Variants in SPRY3 observed in about 807,000 individuals in gnomAD.
The protein encoded by SPRY3 is sprouty RTK signaling antagonist 3.
SPRY3 carries 15 observed loss-of-function variants against 20.2 expected under a neutral mutation model. That is an observed-to-expected ratio of 0.74 (90% CI 0.50 to 1.14). SPRY3 has a LOEUF of 1.14. SPRY3 is among the 50% of genes most tolerant of loss of function. The probability of loss-of-function intolerance (pLI) is 0.00; values close to 1 mark genes in which losing one functional copy is unlikely to be tolerated. For missense variants in SPRY3, 364 were observed against 363.9 expected (o/e 1.00, Z 0.00); for synonymous variants, 143 against 136.5 (o/e 1.05, Z -0.33).
At chrX:155,649,469 G>A (rs1569562487) in intron 1 of SPRY3, among the ~76,000 whole-genome samples, 2 of 111,245 alleles carry the variant, frequency 1.8e-5, no homozygotes, top group East Asian at 2.8e-4. Flanking sequence ...TTCAACATAC[G>A]CAAATCAATA....
chrX:155,718,717 A>T (rs182042626), intron 2 of SPRY3, among the ~76,000 whole-genome samples: 2 of 152,312 alleles, frequency 1.3e-5, no homozygotes, highest in East Asian at 3.9e-4. Context: ...TACCAAAGAG[A>T]AACAAACACA....
At chrX:155,643,638 G>C (rs2124538947) in intron 1 of SPRY3, among the ~76,000 whole-genome samples, 1 of 110,042 alleles carries the variant, frequency 9.1e-6, no homozygotes, top group Non-Finnish European at 1.9e-5. Context: ...GTATGGTTTT[G>C]TATTTGAGGT....
intron 2 of SPRY3, among the ~76,000 whole-genome samples, chrX:155,755,746 G>C (rs1371265348): frequency 2.0e-5 from 3 of 152,082 alleles, no homozygotes; most frequent in African/African-American, 7.2e-5. Flanking sequence ...TAGCCTTTGG[G>C]CATCTGCTTT....
At chrX:155,747,709 G>T (rs2091235053) in intron 2 of SPRY3, among the ~76,000 whole-genome samples, 1 of 151,980 alleles carries the variant, frequency 6.6e-6, no homozygotes, top group African/African-American at 2.4e-5. Flanking sequence ...AAGGCAGCCA[G>T]GTCCTTGGCT....
At chrX:155,730,165 G>A (rs2091123900) in intron 2 of SPRY3, among the ~76,000 whole-genome samples, 1 of 152,044 alleles carries the variant, frequency 6.6e-6, no homozygotes, top group Non-Finnish European at 1.5e-5. Context: ...AAAGGAGAAG[G>A]GAATAATTCC....
intron 2 of SPRY3, among the ~76,000 whole-genome samples, chrX:155,708,763 T>G (rs2090968202): frequency 6.6e-6 from 1 of 151,462 alleles, no homozygotes. Flanking sequence ...TATACTCTTT[T>G]TAGTTATTTT....
intron 2 of SPRY3, among the ~76,000 whole-genome samples, chrX:155,673,227 TA>T (rs1476996922): frequency 1.9e-5 from 2 of 107,664 alleles, no homozygotes; most frequent in East Asian, 5.9e-4. Flanking sequence ...TAAAAAAAAT[TA>T]AAAAAAGAAC....
chrX:155,706,627 A>G (rs945257069), intron 2 of SPRY3, among the ~76,000 whole-genome samples: 3 of 150,948 alleles, frequency 2.0e-5, no homozygotes, highest in Non-Finnish European at 4.5e-5. Context: ...AATCAAGAAG[A>G]CAATTACCAA....
chrX:155,746,412 A>G (rs1408124041), intron 2 of SPRY3, among the ~76,000 whole-genome samples: 1 of 151,854 alleles, frequency 6.6e-6, no homozygotes, highest in Non-Finnish European at 1.5e-5. Context: ...TGTTAATACA[A>G]TTTTTTCATT....
At chrX:155,625,554 G>T (rs1462423840) in intron 1 of SPRY3, among the ~76,000 whole-genome samples, 2 of 109,607 alleles carry the variant, frequency 1.8e-5, no homozygotes, top group African/African-American at 6.6e-5. Flanking sequence ...TTTATTTGTT[G>T]AAGGGTTTTT....
intron 3 of SPRY3, among the ~76,000 whole-genome samples, chrX:155,768,376 A>G (rs955702526): frequency 5.9e-5 from 9 of 152,156 alleles, no homozygotes; most frequent in African/African-American, 1.9e-4. Context: ...TAGGACTTCA[A>G]AATAATATTT....
At chrX:155,715,286 A>T (rs1352308117) in intron 2 of SPRY3, among the ~76,000 whole-genome samples, 1 of 152,112 alleles carries the variant, frequency 6.6e-6, no homozygotes, top group Non-Finnish European at 1.5e-5. Flanking sequence ...TTTAGTCAGC[A>T]GGTGATAAAT....
At chrX:155,773,307 G>GATATATATATAT (rs1556238552) in intron 3 of SPRY3, among the ~76,000 whole-genome samples, 31 of 120,712 alleles carry the variant, frequency 2.6e-4, no homozygotes, top group Non-Finnish European at 3.4e-4. Flanking sequence ...ATTTTGATTG[G>GATATATATATAT]ATATATATAT....
At chrX:155,768,326 T>G (rs2091358194) in intron 3 of SPRY3, among the ~76,000 whole-genome samples, 190 bp downstream of exon 2, 1 of 152,192 alleles carries the variant, frequency 6.6e-6, no homozygotes, top group Admixed American at 6.5e-5. Flanking sequence ...AAATCGGCTC[T>G]CGCAGAAAAC....
At chrX:155,664,252 T>C (rs13440747) in intron 2 of SPRY3, among the ~76,000 whole-genome samples, 149 of 110,872 alleles carry the variant, frequency 1.3e-3, no homozygotes, top group African/African-American at 4.7e-3. Flanking sequence ...AGGGAAAGAT[T>C]TGTGAACATA....
At chrX:155,752,929 G>C (rs2091269862) in intron 2 of SPRY3, among the ~76,000 whole-genome samples, 1 of 151,720 alleles carries the variant, frequency 6.6e-6, no homozygotes, top group African/African-American at 2.4e-5. Flanking sequence ...ACATGTAAAA[G>C]ATATTTATTG....
chrX:155,710,447 GA>G lies in SPRY3; in HGVS notation c.-282+53423del, dbSNP rs2090978676. 1.3e-5 allele frequency among the ~76,000 whole-genome samples: 2 copies of G among 151,096 alleles called. 1 individual carries two copies. Among genetic ancestry groups the G allele is most frequent in the South Asian group, 4.2e-4 (2 of 4,780 alleles). The stretch of plus-strand genomic sequence containing the variant: ...GCTATTGTAAATGGGATTACTTTTT[GA>G]TTTTTTTCAGATTGTTTGCTGTTGG... On this transcript the variant is annotated intron_variant, in intron 2 of 3. Transcript: ENST00000675360.
intron 2 of SPRY3, among the ~76,000 whole-genome samples, chrX:155,743,299 G>A: frequency 6.6e-6 from 1 of 152,202 alleles, no homozygotes; most frequent in South Asian, 2.1e-4. Flanking sequence ...AGAGATCTAG[G>A]GGAATTGGCT....
chrX:155,763,476 G>T (rs2091312425), intron 2 of SPRY3, among the ~76,000 whole-genome samples: 1 of 152,020 alleles, frequency 6.6e-6, no homozygotes, highest in African/African-American at 2.4e-5. Flanking sequence ...CATGCCCAGT[G>T]TATCTTTCTT....
Sources: allele counts gnomAD v4.1 joint callset (sites outside exome capture counted in the v4.1 genomes callset), GRCh38; gene constraint gnomAD v4.1.1; transcripts MANE v1.5; gene names NCBI Gene and HGNC (gene_info 2026-07-23, HGNC 2026-07-21).